Variants in HOOK3 observed in about 807,000 individuals in gnomAD.
The protein encoded by HOOK3 is hook microtubule tethering protein 3.
A neutral mutation model predicts 116.3 loss-of-function variants in HOOK3; 24 were observed. The observed-to-expected ratio is 0.21, with a 90% confidence interval of 0.15 to 0.29. The LOEUF is 0.29. HOOK3 is among the 10% of genes least tolerant of loss of function. HOOK3 has a pLI of 1.00. For missense variants in HOOK3, 632 were observed against 830.2 expected (o/e 0.76, Z 2.93); for synonymous variants, 275 against 283.0 (o/e 0.97, Z 0.28).
chr8:42,962,651 TC>T (rs1444360703), intron 8 of HOOK3, among the ~76,000 whole-genome samples: 1 of 151,400 alleles, frequency 6.6e-6, no homozygotes, highest in African/African-American at 2.4e-5. Flanking sequence ...GTAATCCTCC[TC>T]CCTCAGTCTC....
At chr8:43,004,547 G>A (rs1809438711) in intron 17 of HOOK3, among the ~76,000 whole-genome samples, 1 of 151,424 alleles carries the variant, frequency 6.6e-6, no homozygotes, top group Non-Finnish European at 1.5e-5. Context: ...CAGGCATGGT[G>A]GCGCATGCCT....
chr8:43,002,071 G>A (rs559518576), intron 16 of HOOK3, 36 bp from the exon 17 acceptor site: 8 of 1,314,544 alleles, frequency 6.1e-6, no homozygotes, highest in Admixed American at 3.4e-5. Flanking sequence ...TAGTTAAAAT[G>A]TGAGGTAATA....
chr8:42,939,907 T>C (rs1466969063), intron 4 of HOOK3, among the ~76,000 whole-genome samples: 1 of 149,432 alleles, frequency 6.7e-6, no homozygotes, highest in Non-Finnish European at 1.5e-5. Context: ...GAGACACTCC[T>C]CACTTCCTAG....
At chr8:42,898,825 G>A (rs756227056) in intron 1 of HOOK3, among the ~76,000 whole-genome samples, 7 of 152,194 alleles carry the variant, frequency 4.6e-5, no homozygotes, top group Non-Finnish European at 7.3e-5. Flanking sequence ...CATTTCATAC[G>A]CCTAACCGTC....
At chr8:42,897,659 C>T (rs1433159986) in intron 1 of HOOK3, among the ~76,000 whole-genome samples, 2 of 152,152 alleles carry the variant, frequency 1.3e-5, no homozygotes, top group Admixed American at 1.3e-4. Context: ...GGTGGGAGTG[C>T]GCGAGGGGCG....
chr8:42,939,213 G>T (rs1025465219), intron 4 of HOOK3, among the ~76,000 whole-genome samples: 1 of 152,078 alleles, frequency 6.6e-6, no homozygotes, highest in Non-Finnish European at 1.5e-5. Context: ...ATCATGGCCC[G>T]TTCTCAATGA....
chr8:42,967,569 C>A (rs1230854861), intron 10 of HOOK3, among the ~76,000 whole-genome samples: 1 of 152,070 alleles, frequency 6.6e-6, no homozygotes. Context: ...CATGCACACG[C>A]GCATTTAGGT....
At chr8:42,907,499 G>C (rs1483035261) in intron 2 of HOOK3, among the ~76,000 whole-genome samples, 2 of 152,166 alleles carry the variant, frequency 1.3e-5, no homozygotes, top group African/African-American at 4.8e-5. Context: ...ACTCTGAGAA[G>C]AGTCATCTTG....
rs1020039845 is a variant in HOOK3 at position 43,018,542 on chromosome 8, A to G, written c.*44A>G. The G allele has an allele frequency of 6.5e-7, 1 of 1,535,074 alleles. No individual in the cohort carries two copies. Among genetic ancestry groups the G allele is most frequent in the South Asian group, 1.3e-5 (1 of 78,878 alleles). ...TCACAGACACCTGCACCCACAACAT[A>G]CTTCTGTTACACACAAGAACATTTC... On this transcript the variant is annotated 3_prime_UTR_variant, in exon 22 of 22. Transcript: ENST00000307602.
chr8:42,976,082 T>A, intron 13 of HOOK3, among the ~76,000 whole-genome samples: 1 of 151,492 alleles, frequency 6.6e-6, no homozygotes, highest in East Asian at 1.9e-4. Flanking sequence ...GTATATATAT[T>A]TTTTAATCCA....
intron 1 of HOOK3, among the ~76,000 whole-genome samples, chr8:42,902,926 C>G (rs867668748): frequency 1.3e-5 from 2 of 152,186 alleles, no homozygotes; most frequent in African/African-American, 4.8e-5. Flanking sequence ...TCCTTCTAAA[C>G]AAACCTACAA....
chr8:43,008,702 C>G, intron 18 of HOOK3, among the ~76,000 whole-genome samples: 1 of 146,780 alleles, frequency 6.8e-6, no homozygotes. Flanking sequence ...CTCTGTCGCC[C>G]AGGCTGGAGT....
chr8:42,940,167 C>T (rs1005403305), intron 4 of HOOK3, among the ~76,000 whole-genome samples: 1 of 152,114 alleles, frequency 6.6e-6, no homozygotes, highest in African/African-American at 2.4e-5. Flanking sequence ...GCTGAGATCA[C>T]GCCACTGCAC....
rs1486790891 is a variant in HOOK3 at position 42,985,893 on chromosome 8, GTTTC to G, written c.1392-750_1392-747del. On this transcript the variant is annotated intron_variant, in intron 14 of 21. Coordinates refer to ENST00000307602, the MANE Select transcript of HOOK3 (RefSeq NM_032410.4). Reference sequence around the variant, plus strand: ...ATAAGAGCAATGCGTGTGTGTCTATGTTTCTTTCTTTCTTTGATTTTTCTTTATC... The same window carrying G: ...ATAAGAGCAATGCGTGTGTGTCTATGTTTCTTTCTTTGATTTTTCTTTATC... 4.6e-5 allele frequency among the ~76,000 whole-genome samples: 7 copies of G among 152,112 alleles called. No individual in the cohort carries two copies. The South Asian group carries it at 6.2e-4, about 13-fold the overall frequency.
At chr8:42,939,897 G>A (rs1045241342) in intron 4 of HOOK3, among the ~76,000 whole-genome samples, 1 of 151,716 alleles carries the variant, frequency 6.6e-6, no homozygotes, top group Non-Finnish European at 1.5e-5. Flanking sequence ...CGGCCGGGCA[G>A]AGACACTCCT....
intron 17 of HOOK3, among the ~76,000 whole-genome samples, chr8:43,004,366 CA>C (rs1385118465): frequency 3.1e-3 from 258 of 83,674 alleles, no homozygotes; most frequent in African/African-American, 3.3e-3. Flanking sequence ...GACTCTGTCT[CA>C]AAAAAAAAAA....
At chr8:42,904,646 C>T (rs1252533864) in intron 1 of HOOK3, among the ~76,000 whole-genome samples, 1 of 152,130 alleles carries the variant, frequency 6.6e-6, no homozygotes, top group Non-Finnish European at 1.5e-5. Context: ...CCTCATGGCT[C>T]ACTCCCCTGG....
At chr8:42,939,648 G>A (rs1187554445) in intron 4 of HOOK3, among the ~76,000 whole-genome samples, 1 of 151,614 alleles carries the variant, frequency 6.6e-6, no homozygotes, top group Non-Finnish European at 1.5e-5. Context: ...CTCCCGGACG[G>A]GGTGGCTGCC....
intron 3 of HOOK3, 77 bp from the exon 4 acceptor site, chr8:42,930,045 C>T: frequency 7.4e-7 from 1 of 1,343,758 alleles, no homozygotes; most frequent in South Asian, 1.4e-5. Flanking sequence ...GATTGGTTGG[C>T]TCAGAAATTT....
Sources: allele counts gnomAD v4.1 joint callset (sites outside exome capture counted in the v4.1 genomes callset), GRCh38; gene constraint gnomAD v4.1.1; transcripts MANE v1.5; gene names NCBI Gene and HGNC (gene_info 2026-07-23, HGNC 2026-07-21).